The following ORC2 variants were observed in gnomAD, a reference collection of about 807,000 sequenced individuals.
ORC2 encodes origin recognition complex protein 2 homolog.
A neutral mutation model predicts 77.7 loss-of-function variants in ORC2; 37 were observed. The observed-to-expected ratio is 0.48, with a 90% CI of 0.37 to 0.63. The LOEUF (loss-of-function observed/expected upper bound fraction) is 0.63. Among genes scored for constraint, ORC2 ranks in the 20% least tolerant of loss-of-function variants. The pLI, the probability that ORC2 is intolerant of heterozygous loss-of-function variation, is 0.00. For missense variants in ORC2, 557 were observed against 661.9 expected, an observed-to-expected ratio of 0.84 and a Z score of 1.74; for synonymous variants, 201 against 229.5, an observed-to-expected ratio of 0.88 and a Z score of 1.12.
chr2:200,922,559 TA>T (rs1394002668), intron 13 of ORC2, among the ~76,000 whole-genome samples: 3 of 151,132 alleles, frequency 2.0e-5, no homozygotes, highest in Non-Finnish European at 4.4e-5. Flanking sequence ...TGATAGAGTA[TA>T]AGTCTTTCAG....
At chr2:200,958,163 T>C (rs1346658834) in intron 2 of ORC2, 30 bp from the exon 3 acceptor site, 1 of 1,267,064 alleles carries the variant, frequency 7.9e-7, no homozygotes, top group South Asian at 1.2e-5. Flanking sequence ...TACTCAAAAG[T>C]GATGAAGAAT....
At chr2:200,957,625 T>C (rs2041494446) in intron 3 of ORC2, 81 bp from the exon 4 acceptor site, 1 of 1,049,192 alleles carries the variant, frequency 9.5e-7, no homozygotes, top group African/African-American at 1.7e-5. Context: ...AATTATAATA[T>C]TTATATTGTC....
chr2:200,911,713 C>A (rs2040553859), intron 17 of ORC2, among the ~76,000 whole-genome samples: 1 of 152,130 alleles, frequency 6.6e-6, no homozygotes, highest in Non-Finnish European at 1.5e-5. Context: ...CTCCTTTCAA[C>A]AAGAACCTTC....
At chr2:200,934,776 T>A (rs1423724321) in intron 9 of ORC2, among the ~76,000 whole-genome samples, 1 of 152,232 alleles carries the variant, frequency 6.6e-6, no homozygotes, top group Non-Finnish European at 1.5e-5. Flanking sequence ...CGGAATTTTC[T>A]TCTCACACTA....
chr2:200,959,005 G>A (rs1357172164), intron 2 of ORC2, among the ~76,000 whole-genome samples: 3 of 152,074 alleles, frequency 2.0e-5, no homozygotes, highest in Non-Finnish European at 4.4e-5. Context: ...AGAAACTATT[G>A]ACTGTGTCTC....
chr2:200,918,490 T>G (rs2040697350), intron 15 of ORC2, among the ~76,000 whole-genome samples: 1 of 151,394 alleles, frequency 6.6e-6, no homozygotes. Flanking sequence ...TTTTTTCTTC[T>G]TTCTTTTTTT....
At chr2:200,933,839 T>TA (rs762042218) in intron 10 of ORC2, 37 bp downstream of exon 10, 33 of 1,207,834 alleles carry the variant, frequency 2.7e-5, no homozygotes, top group South Asian at 9.2e-5. Flanking sequence ...CAGGACAGAG[T>TA]AAAAAAAATT....
chr2:200,928,708 G>A (rs1246325420), intron 11 of ORC2, among the ~76,000 whole-genome samples: 3 of 151,740 alleles, frequency 2.0e-5, no homozygotes, highest in African/African-American at 4.8e-5. Context: ...CAGCTACTCA[G>A]GAGGCTGAGG....
chr2:200,948,735 C>T (rs1208147801), intron 5 of ORC2, among the ~76,000 whole-genome samples: 1 of 151,588 alleles, frequency 6.6e-6, no homozygotes, highest in African/African-American at 2.4e-5. Flanking sequence ...GCTCATTTTT[C>T]GTATTTTTAG....
chr2:200,920,295 G>C lies in ORC2; in HGVS notation c.1393C>G (p.Leu465Val). The C allele has an allele frequency of 6.2e-7, 1 of 1,613,898 alleles. No homozygotes were observed. Residue 465 changes from leucine to valine, a missense_variant, in exon 15 of 18, where the codon CTG (leucine) becomes GTG (valine). Transcript: ENST00000234296. ...TEETSYENSL[L>V]VKQSGSLPLS... ...GGCAGGGATCCAGACTGCTTTACCA[G>C]AAGAGAGTTCTCATAGGAGGTTTCT...
At chr2:200,962,513 C>T (rs1006414407) in intron 1 of ORC2, among the ~76,000 whole-genome samples, 1 of 152,190 alleles carries the variant, frequency 6.6e-6, no homozygotes, top group Non-Finnish European at 1.5e-5. Flanking sequence ...GTGACTTTGT[C>T]CAAAGTCCTG....
intron 15 of ORC2, among the ~76,000 whole-genome samples, chr2:200,916,697 T>G (rs114065552): frequency 6.6e-6 from 1 of 152,096 alleles, no homozygotes; most frequent in South Asian, 2.1e-4. Flanking sequence ...TATTTCAATT[T>G]TTTTATTTTA....
In ORC2 at chr2:200,917,850, C is replaced by G. The variant is rs1375753339; in HGVS notation, c.1466+2372G>C. Among the ~76,000 whole-genome samples, 3 of 150,534 alleles carry G rather than the reference C, an allele frequency of 2.0e-5. No individual in the cohort carries two copies. The Admixed American group carries it at 2.0e-4, about 10-fold the overall frequency. Reference sequence around the variant, plus strand: ...CAACAAAAAGTTAATCCCTCCACCACAAACACACAGGTAAAAGAAAAATAA... The same window carrying G: ...CAACAAAAAGTTAATCCCTCCACCAGAAACACACAGGTAAAAGAAAAATAA... On this transcript the variant is annotated intron_variant, in intron 15 of 17. Transcript: ENST00000234296.
intron 5 of ORC2, among the ~76,000 whole-genome samples, chr2:200,944,020 T>C (rs1238997712): frequency 6.6e-6 from 1 of 152,096 alleles, no homozygotes; most frequent in African/African-American, 2.4e-5. Flanking sequence ...AAAAACTTCA[T>C]ATGAAAAGAA....
At chr2:200,913,838 G>T in intron 16 of ORC2, 93 bp downstream of exon 16, 1 of 1,469,192 alleles carries the variant, frequency 6.8e-7, no homozygotes, top group South Asian at 1.5e-5. Flanking sequence ...TCACTGCTGT[G>T]AAAAACTGCA....
In ORC2 at chr2:200,911,371, T is replaced by C; in HGVS notation, c.1664A>G (p.Glu555Gly). The stretch of plus-strand genomic sequence containing the variant: ...ATTATCAACAGGAATTAATAAATAC[T>C]CTACTCCATCAGTTCCCTGAAAGAT... ...IRTKKGTDGV[E>G]YLLIPVDNGT... Residue 555 changes from glutamate to glycine, a missense_variant, in exon 18 of 18, where the codon GAG (glutamate) becomes GGG (glycine). Glu to Gly is a moderately conservative substitution (Grantham distance 98, BLOSUM62 -2). Transcript: ENST00000234296. The C allele has an allele frequency of 6.3e-7, 1 of 1,593,802 alleles. No homozygotes were observed. Among genetic ancestry groups the C allele is most frequent in the Non-Finnish European group, 8.6e-7 (1 of 1,161,584 alleles).
chr2:200,961,831 C>T lies in ORC2; in HGVS notation c.-60+1659G>A, dbSNP rs183202140. 1.1e-3 allele frequency among the ~76,000 whole-genome samples: 169 copies of T among 152,282 alleles called. 1 individual carries two copies. Among genetic ancestry groups the T allele is most frequent in the Non-Finnish European group, 2.1e-3 (143 of 68,020 alleles). On this transcript the variant is annotated intron_variant, in intron 1 of 17. Coordinates refer to ENST00000234296, the MANE Select transcript of ORC2 (RefSeq NM_006190.5). ...CACACAATGAATTTTTGGCTCTGAG[C>T]TTCCTGGCAATCAAAGCAAAAAGCA... is the stretch of plus-strand genomic sequence containing the variant.
chr2:200,941,495 T>TA lies in ORC2; in HGVS notation c.422-217dup, dbSNP rs762042280. Among the ~76,000 whole-genome samples the TA allele has an allele frequency of 4.3e-3, 456 of 105,040 alleles. 1 individual carries two copies. Among genetic ancestry groups the TA allele is most frequent in the Middle Eastern group, 0.022 (4 of 184 alleles). 68.9% of individuals were successfully genotyped at this position (105,040 alleles called of 152,430 possible). On this transcript the variant is annotated intron_variant, in intron 6 of 17. Transcript: ENST00000234296. Reference sequence around the variant, plus strand: ...TGTGTCTATTCAAAAAATTAAAAATTAAAAAAAAAAAAAAAAAGCAAAGTT... The same window carrying TA: ...TGTGTCTATTCAAAAAATTAAAAATTAAAAAAAAAAAAAAAAAAGCAAAGTT...
intron 15 of ORC2, among the ~76,000 whole-genome samples, chr2:200,917,608 CA>C (rs1034949129): frequency 2.6e-5 from 4 of 152,088 alleles, no homozygotes; most frequent in Admixed American, 2.0e-4. Context: ...CTACAAGTGA[CA>C]AAACTGCACA....
Sources: allele counts gnomAD v4.1 joint callset (sites outside exome capture counted in the v4.1 genomes callset), GRCh38; gene constraint gnomAD v4.1.1; transcripts MANE v1.5; gene names NCBI Gene and HGNC (gene_info 2026-07-23, HGNC 2026-07-21).